CNTNAP2: variants seen among roughly 807,000 people sequenced by gnomAD.
CNTNAP2 encodes the protein contactin-associated protein-like 2.
In CNTNAP2, 98 loss-of-function variants were observed where a neutral mutation model predicts 155.2. The ratio of observed to expected loss-of-function variants is 0.63; its 90% CI spans 0.54 to 0.75. The LOEUF (loss-of-function observed/expected upper bound fraction) is 0.75, where lower values mean the gene tolerates loss of function less well. Among genes scored for constraint, CNTNAP2 ranks in the 30% least tolerant of loss-of-function variants. CNTNAP2 has a pLI of 0.00. For synonymous variants in CNTNAP2, 651 were observed against 631.2 expected (o/e 1.03, Z -0.47); for missense variants, 1,727 against 1,688.1 (o/e 1.02, Z -0.40).
intron 13 of CNTNAP2, among the ~76,000 whole-genome samples, chr7:147,781,226 A>T (rs903181080): frequency 6.6e-6 from 1 of 152,184 alleles, no homozygotes. Flanking sequence ...TTGCCTTATG[A>T]CTGCTGACAT....
intron 1 of CNTNAP2, among the ~76,000 whole-genome samples, chr7:146,361,487 A>G (rs1303811232): frequency 6.6e-6 from 1 of 152,298 alleles, no homozygotes; most frequent in African/African-American, 2.4e-5. Flanking sequence ...TAAACTAAGT[A>G]TGCTTCTCTA....
chr7:146,347,626 T>C (rs1794838718), intron 1 of CNTNAP2, among the ~76,000 whole-genome samples: 2 of 152,166 alleles, frequency 1.3e-5, no homozygotes, highest in Admixed American at 1.3e-4. Flanking sequence ...AGTGCAGTGG[T>C]GTGATCTCAG....
At chr7:146,739,045 A>C (rs1279892678) in intron 1 of CNTNAP2, among the ~76,000 whole-genome samples, 1 of 151,494 alleles carries the variant, frequency 6.6e-6, no homozygotes, top group Admixed American at 6.6e-5. Context: ...AGGCTAACTA[A>C]AGATTTGTTG....
intron 13 of CNTNAP2, among the ~76,000 whole-genome samples, chr7:147,652,153 T>C (rs1306325231): frequency 2.6e-5 from 4 of 152,206 alleles, no homozygotes; most frequent in African/African-American, 9.6e-5. Context: ...TTCTCTGAAA[T>C]ACTAGTAACA....
intron 13 of CNTNAP2, among the ~76,000 whole-genome samples, chr7:147,741,486 T>G (rs947193206): frequency 6.6e-5 from 10 of 152,182 alleles, no homozygotes; most frequent in African/African-American, 2.4e-4. Context: ...AATATGGAAA[T>G]AAAATATGTG....
At chr7:147,897,445 T>A (rs1799795631) in intron 13 of CNTNAP2, among the ~76,000 whole-genome samples, 1 of 151,856 alleles carries the variant, frequency 6.6e-6, no homozygotes, top group Admixed American at 6.6e-5. Flanking sequence ...CCACCAAGAG[T>A]GTTAGTGTCC....
At chr7:148,393,317 G>A (rs913449274) in intron 22 of CNTNAP2, among the ~76,000 whole-genome samples, 2 of 152,036 alleles carry the variant, frequency 1.3e-5, no homozygotes, top group Non-Finnish European at 2.9e-5. Context: ...TTTTTATTAT[G>A]TTATTTGTCT....
At chr7:146,459,278 A>G (rs550089264) in intron 1 of CNTNAP2, among the ~76,000 whole-genome samples, 1 of 152,284 alleles carries the variant, frequency 6.6e-6, no homozygotes, top group African/African-American at 2.4e-5. Context: ...ATAGATGGTT[A>G]TGTGTAGGTC....
intron 3 of CNTNAP2, among the ~76,000 whole-genome samples, chr7:147,004,935 A>G (rs1798498881): frequency 6.6e-6 from 1 of 152,094 alleles, no homozygotes. Context: ...ACAGTGATAA[A>G]TGTATAAAGT....
chr7:147,398,455 A>G (rs1023485132), intron 10 of CNTNAP2, among the ~76,000 whole-genome samples: 8 of 151,770 alleles, frequency 5.3e-5, no homozygotes, highest in Non-Finnish European at 1.0e-4. Context: ...TAAAAGAGCT[A>G]CACAAGCCTG....
intron 13 of CNTNAP2, among the ~76,000 whole-genome samples, chr7:147,780,404 G>T (rs1377546330): frequency 1.3e-5 from 2 of 151,724 alleles, no homozygotes; most frequent in Non-Finnish European, 2.9e-5. Flanking sequence ...AAATTAACAG[G>T]TTTTTTTTAA....
intron 3 of CNTNAP2, among the ~76,000 whole-genome samples, chr7:147,043,100 A>G (rs1044928100): frequency 2.0e-5 from 3 of 151,924 alleles, no homozygotes; most frequent in Admixed American, 2.0e-4. Flanking sequence ...TTTCTTTTTC[A>G]TTAGATGGTA....
chr7:147,434,911 C>T (rs889559195), intron 10 of CNTNAP2, among the ~76,000 whole-genome samples: 1 of 152,186 alleles, frequency 6.6e-6, no homozygotes, highest in East Asian at 1.9e-4. Flanking sequence ...AACTCTCATG[C>T]CACACATCAT....
intron 9 of CNTNAP2, among the ~76,000 whole-genome samples, chr7:147,339,666 C>T (rs187806943): frequency 2.7e-5 from 4 of 150,556 alleles, no homozygotes; most frequent in South Asian, 2.1e-4. Context: ...TCTGTGTATA[C>T]AGAAATCTGA....
intron 21 of CNTNAP2, among the ~76,000 whole-genome samples, chr7:148,314,360 T>A (rs1797648157): frequency 6.6e-6 from 1 of 152,144 alleles, no homozygotes; most frequent in Non-Finnish European, 1.5e-5. Context: ...GATGGAAAAA[T>A]TGAAAGTGCC....
At chr7:146,797,473 T>C (rs540067664) in intron 2 of CNTNAP2, among the ~76,000 whole-genome samples, 1 of 152,208 alleles carries the variant, frequency 6.6e-6, no homozygotes, top group South Asian at 2.1e-4. Flanking sequence ...GCATACAGAC[T>C]ATTTCACTAA....
chr7:146,225,686 C>G (rs928668241), intron 1 of CNTNAP2, among the ~76,000 whole-genome samples: 9 of 152,176 alleles, frequency 5.9e-5, no homozygotes, highest in Non-Finnish European at 1.2e-4. Context: ...GTTATCTACC[C>G]TGTTATTGTA....
At chr7:146,414,467 G>T (rs1416102483) in intron 1 of CNTNAP2, among the ~76,000 whole-genome samples, 1 of 152,118 alleles carries the variant, frequency 6.6e-6, no homozygotes, top group Non-Finnish European at 1.5e-5. Flanking sequence ...GCCTTCCCCA[G>T]CAGCAGCCGT....
intron 1 of CNTNAP2, among the ~76,000 whole-genome samples, chr7:146,480,544 G>A (rs1019351048): frequency 1.3e-5 from 2 of 151,708 alleles, no homozygotes; most frequent in African/African-American, 2.4e-5. Context: ...ATGCACCTTT[G>A]TAGTTATTCT....
Sources: allele counts gnomAD v4.1 joint callset (sites outside exome capture counted in the v4.1 genomes callset), GRCh38; gene constraint gnomAD v4.1.1; transcripts MANE v1.5; gene names NCBI Gene and HGNC (gene_info 2026-07-23, HGNC 2026-07-21).